The following BEAN1 variants were observed in gnomAD, a reference collection of about 807,000 sequenced individuals.
BEAN1 encodes brain expressed associated with NEDD4 1, also known as protein BEAN1.
A neutral mutation model predicts 17.7 loss-of-function variants in BEAN1; 17 were observed. The ratio of observed to expected loss-of-function variants is 0.96; its 90% CI spans 0.66 to 1.44. The LOEUF (loss-of-function observed/expected upper bound fraction) is 1.44, where lower values mean the gene tolerates loss of function less well. Among genes scored for constraint, BEAN1 ranks in the 40% most tolerant of loss-of-function variants. The probability of loss-of-function intolerance (pLI) is 0.00; values close to 1 mark genes in which losing one functional copy is unlikely to be tolerated. For synonymous variants in BEAN1, 142 were observed against 151.8 expected, an observed-to-expected ratio of 0.94 and a Z score of 0.47; for missense variants, 359 against 374.1, an observed-to-expected ratio of 0.96 and a Z score of 0.33.
At chr16:66,494,372 C>T (rs1964218577), downstream of BEAN1, among the ~76,000 whole-genome samples, 2 of 152,148 alleles carry the variant, frequency 1.3e-5, no homozygotes, top group Non-Finnish European at 2.9e-5. Flanking sequence ...CTCTATGAGC[C>T]TCGTTTTCCT....
chr16:66,458,691 T>C (rs968632829), intron 2 of BEAN1, among the ~76,000 whole-genome samples: 3 of 151,364 alleles, frequency 2.0e-5, no homozygotes, highest in African/African-American at 7.3e-5. Flanking sequence ...AGGTGGGCAA[T>C]CTTGAACACA....
chr16:66,465,240 C>T lies in BEAN1; in HGVS notation c.26-4362C>T, dbSNP rs1168520450. On this transcript the variant is annotated intron_variant, in intron 2 of 4. Coordinates refer to ENST00000536005, the MANE Select transcript of BEAN1 (RefSeq NM_001178020.3). ...CCAATCTTTCATTCCCGGGATAAAT[C>T]GTATCTAGTCCTAGTGTATAATCCT... is the stretch of plus-strand genomic sequence containing the variant. Among the ~76,000 whole-genome samples the T allele has an allele frequency of 3.9e-5, 6 of 152,116 alleles. No homozygotes were observed. The East Asian group carries it at 5.8e-4, about 15-fold the overall frequency.
chr16:66,454,919 G>T (rs889553291), intron 2 of BEAN1, among the ~76,000 whole-genome samples: 1 of 152,060 alleles, frequency 6.6e-6, no homozygotes, highest in Admixed American at 6.6e-5. Context: ...GTGGGGAGGG[G>T]TATGGAGGCA....
chr16:66,456,321 T>C (rs916754074), intron 2 of BEAN1, among the ~76,000 whole-genome samples: 2 of 152,264 alleles, frequency 1.3e-5, no homozygotes, highest in Non-Finnish European at 2.9e-5. Context: ...AGGTCATTTT[T>C]CTGAGCCATG....
intron 2 of BEAN1, among the ~76,000 whole-genome samples, chr16:66,454,729 CTT>C (rs538469751): frequency 0.038 from 3,190 of 83,762 alleles, 113 homozygotes; most frequent in African/African-American, 0.14. Flanking sequence ...TTCTTTCTTT[CTT>C]TTTTTTTTTT....
intron 1 of BEAN1, among the ~76,000 whole-genome samples, chr16:66,429,021 C>T (rs781685943): frequency 6.6e-6 from 1 of 152,110 alleles, no homozygotes; most frequent in Admixed American, 6.5e-5. Flanking sequence ...AGCTGATGTC[C>T]GCTGCCCCAG....
rs988282843 is a variant in BEAN1, at chr16:66,493,112, G to T, written c.298G>T (p.Val100Leu). ...CAGCAAAGAGAATGTCAAGCAGATG[G>T]TGTTCAAGATCTTCCTGGTGAGGGT... The change falls in exon 5 of 5, where the codon GTG becomes TTG. Residue 100 changes from valine to leucine, a missense_variant. Val to Leu is a conservative substitution (Grantham distance 32). Transcript: ENST00000561796. 7 of 703,016 alleles carry T rather than the reference G, an allele frequency of 1.0e-5. No individual in the cohort carries two copies. In the Admixed American group the frequency reaches 1.0e-4, roughly 10 times the overall value. The allele number at this position is 703,016 out of a possible 1,614,324, so 43.5% of individuals were successfully genotyped here.
At chr16:66,437,461 T>C in intron 1 of BEAN1, 134 bp from the exon 2 acceptor site, 8 of 561,764 alleles carry the variant, frequency 1.4e-5, no homozygotes, top group African/African-American at 1.9e-5. Flanking sequence ...TTGCCCAGAC[T>C]AGGCACGTGC....
intron 2 of BEAN1, among the ~76,000 whole-genome samples, chr16:66,454,729 C>CTTTTTTTTTTTTTTTTTTTTT (rs538469751): frequency 2.4e-5 from 2 of 83,680 alleles, no homozygotes; most frequent in Non-Finnish European, 2.4e-5. Flanking sequence ...TTCTTTCTTT[C>CTTTTTTTTTTTTTTTTTTTTT]TTTTTTTTTT....
intron 3 of BEAN1, among the ~76,000 whole-genome samples, chr16:66,474,624 G>GGGAA (rs1182451493): frequency 2.1e-5 from 1 of 48,544 alleles, no homozygotes; most frequent in African/African-American, 7.6e-5. Flanking sequence ...GAGGAAGGGA[G>GGGAA]GGAGGGAGGG....
downstream of BEAN1, chr16:66,485,925 T>C (rs1342292213): frequency 2.0e-5 from 3 of 152,320 alleles, 1 homozygote; most frequent in African/African-American, 7.2e-5. Context: ...TGAATCTTCA[T>C]GAGCAAGGAA....
chr16:66,427,607 A>C lies in BEAN1; in HGVS notation c.-83+176A>C, dbSNP rs1181125248. On this transcript the variant is annotated intron_variant, in intron 1 of 4. Transcript: ENST00000536005. This position sits in a 1 kb window ranked among gnomAD's most constrained non-coding sequence, Gnocchi z 4.7. ...CGGAACGGAACCGCAGCGCGCTCGG[A>C]ACGGAGCGGGATCCCGGGTCTCCCG... 1 of 151,888 alleles carries C rather than the reference A, an allele frequency of 6.6e-6. No homozygotes were observed. Among genetic ancestry groups the C allele is most frequent in the Admixed American group, 6.5e-5 (1 of 15,268 alleles). The allele number at this position is 151,888 out of a possible 1,614,324, so 9.4% of individuals were successfully genotyped here.
At chr16:66,478,297 A>C (rs1028187862) in intron 4 of BEAN1, among the ~76,000 whole-genome samples, 2 of 152,172 alleles carry the variant, frequency 1.3e-5, no homozygotes, top group African/African-American at 4.8e-5. Flanking sequence ...CATTGTGGAA[A>C]TGTCCATGTA....
Position 66,471,605 on chromosome 16 carries a change from T to A in BEAN1, c.289+1740T>A, listed in dbSNP as rs747442773. On this transcript the variant is annotated intron_variant, in intron 3 of 4. Coordinates refer to ENST00000536005, the MANE Select transcript of BEAN1 (RefSeq NM_001178020.3). The surrounding 1 kb of genome is among the most constrained non-coding windows in gnomAD (Gnocchi z 4.7). ...GAAGAGCAGGAGGCTGGACCTTGTG[T>A]AAGACACAGAGGGACATCCCGGGAT... 7.2e-5 allele frequency among the ~76,000 whole-genome samples: 11 copies of A among 152,158 alleles called. No individual in the cohort carries two copies. The highest frequency in any genetic ancestry group is 1.6e-4 in the Non-Finnish European group (11 of 68,034).
intron 4 of BEAN1, among the ~76,000 whole-genome samples, chr16:66,488,470 C>A (rs1964118739): frequency 7.4e-6 from 1 of 136,018 alleles, no homozygotes; most frequent in African/African-American, 2.8e-5. Context: ...AGCTTGAGCT[C>A]AGGAGTTGGA....
At chr16:66,472,856 C>A (rs1000424079) in intron 3 of BEAN1, among the ~76,000 whole-genome samples, 2 of 151,432 alleles carry the variant, frequency 1.3e-5, no homozygotes, top group African/African-American at 2.4e-5. Flanking sequence ...CCCATCTCTA[C>A]AAAAAAAATG....
At chr16:66,482,953 C>T (rs1029540909), downstream of BEAN1, 9 of 454,570 alleles carry the variant, frequency 2.0e-5, no homozygotes, top group Middle Eastern at 3.5e-4. Context: ...AACTCCTGGG[C>T]TCAAGTGATC....
At chr16:66,478,425 A>T (rs1245027768) in intron 4 of BEAN1, among the ~76,000 whole-genome samples, 1 of 150,996 alleles carries the variant, frequency 6.6e-6, no homozygotes, top group African/African-American at 2.4e-5. Flanking sequence ...ACACGGTGAA[A>T]CCCCATCTCT....
At chr16:66,466,023 A>C (rs537178474) in intron 2 of BEAN1, among the ~76,000 whole-genome samples, 16 of 152,350 alleles carry the variant, frequency 1.1e-4, no homozygotes, top group Non-Finnish European at 2.1e-4. Context: ...CATGTTGGCC[A>C]GGCTGGACTT....
Sources: gnomAD v4.1 joint callset for allele counts (sites outside exome capture counted in the v4.1 genomes callset) on GRCh38, gnomAD v4.1.1 for gene constraint, Gnocchi (gnomAD v3.1) non-coding constraint, MANE v1.5 for transcripts, NCBI Gene and HGNC (gene_info 2026-07-23, HGNC 2026-07-21) for gene names.